Variants in SLCO1B3 observed in about 807,000 individuals in gnomAD.
SLCO1B3 encodes the protein liver-specific organic anion transporter 2.
A neutral mutation model predicts 71.8 loss-of-function variants in SLCO1B3; 72 were observed. The observed-to-expected ratio is 1.00, with a 90% CI of 0.83 to 1.22. The LOEUF (loss-of-function observed/expected upper bound fraction) is 1.22, where lower values mean the gene tolerates loss of function less well. SLCO1B3 is among the 50% of genes most tolerant of loss of function. The probability of loss-of-function intolerance (pLI) is 0.00; values close to 1 mark genes in which losing one functional copy is unlikely to be tolerated. For missense variants in SLCO1B3, 911 were observed against 819.7 expected (o/e 1.11, Z -1.36); for synonymous variants, 298 against 278.4 (o/e 1.07, Z -0.70).
At chr12:20,879,930 C>T (rs1473287605) in intron 11 of SLCO1B3, among the ~76,000 whole-genome samples, 2 of 151,970 alleles carry the variant, frequency 1.3e-5, no homozygotes, top group Admixed American at 1.3e-4. Context: ...TTTAGAGAAA[C>T]ACACACATTA....
intron 15 of SLCO1B3, among the ~76,000 whole-genome samples, chr12:20,902,688 T>A (rs1436364700): frequency 2.0e-5 from 3 of 151,978 alleles, no homozygotes; most frequent in African/African-American, 7.3e-5. Context: ...GTAAGCAAAG[T>A]TCAACAGCAA....
At chr12:20,849,689 A>T (rs200158705) in intron 3 of SLCO1B3, among the ~76,000 whole-genome samples, 1 of 113,064 alleles carries the variant, frequency 8.8e-6, no homozygotes, top group Non-Finnish European at 2.1e-5. Flanking sequence ...TAATAAATAA[A>T]GAAAAATTAC....
chr12:20,852,138 C>T (rs1865037837), intron 3 of SLCO1B3, among the ~76,000 whole-genome samples: 1 of 152,062 alleles, frequency 6.6e-6, no homozygotes, highest in Non-Finnish European at 1.5e-5. Flanking sequence ...ACGCAGGGTG[C>T]CTTTGGATTC....
chr12:20,855,220 C>A, intron 4 of SLCO1B3, 51 bp downstream of exon 4: 1 of 1,482,070 alleles, frequency 6.7e-7, no homozygotes, highest in Non-Finnish European at 9.3e-7. Context: ...AGTTGAAAAA[C>A]AAACTGTTCA....
chr12:20,909,309 G>A (rs1866320775), intron 15 of SLCO1B3, among the ~76,000 whole-genome samples: 1 of 148,548 alleles, frequency 6.7e-6, no homozygotes, highest in Admixed American at 6.8e-5. Flanking sequence ...GGGACTACAG[G>A]CACCCACCAC....
chr12:20,885,738 T>C (rs1865782090), intron 13 of SLCO1B3, among the ~76,000 whole-genome samples: 1 of 150,356 alleles, frequency 6.7e-6, no homozygotes, highest in South Asian at 2.1e-4. Flanking sequence ...TAGAAAAAAG[T>C]GTGTGAGGAA....
intron 3 of SLCO1B3, among the ~76,000 whole-genome samples, chr12:20,823,659 G>C (rs1864364202): frequency 6.6e-6 from 1 of 152,130 alleles, no homozygotes; most frequent in Admixed American, 6.5e-5. Flanking sequence ...GGCTTTGCTG[G>C]ATCTTTTTGC....
intron 3 of SLCO1B3, chr12:20,845,094 C>T (rs969988214): frequency 5.8e-5 from 24 of 411,434 alleles, no homozygotes; most frequent in Non-Finnish European, 9.0e-5. Context: ...TCATTGCTAA[C>T]CAAGGTGATG....
In SLCO1B3 at chr12:20,831,741, TAGG is replaced by T. The variant is rs200368602; in HGVS notation, c.84+15922_84+15924del. The stretch of plus-strand genomic sequence containing the variant: ...TTATTAATTTTGAAATCTTGTGAAT[TAGG>T]AGTATGCGCACATACAGACAGAGAT... On this transcript the variant is annotated intron_variant, in intron 3 of 15. Transcript: ENST00000381545. Among the ~76,000 whole-genome samples the T allele has an allele frequency of 6.7e-3, 1,012 of 151,604 alleles. 13 individuals are homozygous for T. Among genetic ancestry groups the T allele is most frequent in the African/African-American group, 0.024 (979 of 41,488 alleles).
In SLCO1B3 at chr12:20,901,532, T is replaced by C. The variant is rs983691783; in HGVS notation, c.1865+65T>C. The C allele has an allele frequency of 2.4e-5, 19 of 786,204 alleles. No individual in the cohort carries two copies. The Admixed American group carries it at 2.4e-4, about 10-fold the overall frequency. The allele number at this position is 786,204 out of a possible 1,614,324, so 48.7% of individuals were successfully genotyped here. On this transcript the variant is annotated intron_variant, in intron 15 of 15. Transcript: ENST00000381545. The stretch of plus-strand genomic sequence containing the variant: ...TTTGTCTATGTTAATGTCTAAGATA[T>C]AGCATTTTTAGTGTGATCGTAATAT...
chr12:20,835,781 C>T (rs917752482), intron 3 of SLCO1B3, among the ~76,000 whole-genome samples: 3 of 152,180 alleles, frequency 2.0e-5, no homozygotes, highest in African/African-American at 7.2e-5. Flanking sequence ...TTCTTGTCTT[C>T]TTCTGAGTCC....
chr12:20,899,139 A>C (rs989767327), intron 14 of SLCO1B3, among the ~76,000 whole-genome samples: 7 of 152,236 alleles, frequency 4.6e-5, no homozygotes, highest in African/African-American at 1.7e-4. Flanking sequence ...TCTAGAGGCT[A>C]AAGGCCTATT....
chr12:20,845,824 T>A (rs1286848994), intron 3 of SLCO1B3, among the ~76,000 whole-genome samples: 2 of 152,184 alleles, frequency 1.3e-5, no homozygotes, highest in African/African-American at 2.4e-5. Context: ...GTTTTTAAGT[T>A]CTCCACTATA....
intron 15 of SLCO1B3, among the ~76,000 whole-genome samples, chr12:20,904,530 A>G (rs188863157): frequency 7.9e-5 from 12 of 151,960 alleles, no homozygotes; most frequent in Non-Finnish European, 1.6e-4. Flanking sequence ...ATGGGCTGGT[A>G]CTGAGTGCCT....
rs148213911 is a variant in SLCO1B3 at position 20,886,652 on chromosome 12, A to G, written c.1682+3050A>G. Among the ~76,000 whole-genome samples, 3 of 152,188 alleles carry G rather than the reference A, an allele frequency of 2.0e-5. No individual in the cohort carries two copies. The East Asian group carries it at 5.8e-4, about 29-fold the overall frequency. On this transcript the variant is annotated intron_variant, in intron 13 of 15. Transcript: ENST00000381545. ...TGGATTTCATTATATGCTCATCACT[A>G]TTAACCTAAACAAAACTAGTGCATG...
At chr12:20,880,622 T>C (rs1482130020) in intron 11 of SLCO1B3, among the ~76,000 whole-genome samples, 1 of 152,126 alleles carries the variant, frequency 6.6e-6, no homozygotes, top group Non-Finnish European at 1.5e-5. Context: ...CATGTCTTGG[T>C]AAAGAAGGAG....
chr12:20,885,226 A>G (rs923878196), intron 13 of SLCO1B3, among the ~76,000 whole-genome samples: 7 of 152,134 alleles, frequency 4.6e-5, no homozygotes, highest in Non-Finnish European at 8.8e-5. Context: ...AGCTGACTGG[A>G]GAATAAAAAT....
At chr12:20,874,004 C>A (rs1383784942) in intron 8 of SLCO1B3, among the ~76,000 whole-genome samples, 1 of 152,118 alleles carries the variant, frequency 6.6e-6, no homozygotes, top group Non-Finnish European at 1.5e-5. Context: ...TACAGTCTAT[C>A]ATTGATGGGT....
chr12:20,817,754 ATT>A lies in SLCO1B3; in HGVS notation c.84+1942_84+1943del, dbSNP rs544791647. Among the ~76,000 whole-genome samples the A allele has an allele frequency of 3.6e-3, 538 of 148,298 alleles. 3 individuals are homozygous for A. The highest frequency in any genetic ancestry group is 5.9e-3 in the Non-Finnish European group (396 of 66,778). ...AGGCACCCGCCACCACACCCAGCTAATTTTTTTTTTTATTTGTAGTAGAGATG... is the reference window on the plus strand; with the variant it reads ...AGGCACCCGCCACCACACCCAGCTAATTTTTTTTTATTTGTAGTAGAGATG... On this transcript the variant is annotated intron_variant, in intron 3 of 15. Transcript: ENST00000381545.
Sources: allele counts gnomAD v4.1 joint callset (sites outside exome capture counted in the v4.1 genomes callset), GRCh38; gene constraint gnomAD v4.1.1; transcripts MANE v1.5; gene names NCBI Gene and HGNC (gene_info 2026-07-23, HGNC 2026-07-21).